The following BCAS3 variants were observed in gnomAD, a reference collection of about 807,000 sequenced individuals.
The protein encoded by BCAS3 is BCAS3 microtubule associated cell migration factor, also known as BCAS4/BCAS3 fusion.
BCAS3 carries 53 observed loss-of-function variants against 116.1 expected under a neutral mutation model. The observed-to-expected ratio is 0.46, with a 90% CI of 0.37 to 0.57. BCAS3 has a LOEUF of 0.57. Ranked by LOEUF, BCAS3 falls within the 20% of genes least tolerant of loss-of-function variation. The pLI is 0.00. For missense variants in BCAS3, 917 were observed against 1,165.4 expected (o/e 0.79, Z 3.10); for synonymous variants, 391 against 408.2 (o/e 0.96, Z 0.51).
Position 61,021,389 on chromosome 17 carries a change from G to A in BCAS3, c.1637+5488G>A, listed in dbSNP as rs2065866581. Among the ~76,000 whole-genome samples the A allele has an allele frequency of 6.6e-6, 1 of 152,056 alleles. No individual in the cohort carries two copies. The highest frequency in any genetic ancestry group is 1.5e-5 in the Non-Finnish European group (1 of 67,996). On this transcript the variant is annotated intron_variant, in intron 16 of 23. Coordinates refer to ENST00000407086, the MANE Select transcript of BCAS3 (RefSeq NM_017679.5). The surrounding 1 kb of genome is among the most constrained non-coding windows in gnomAD (Gnocchi z 4.6). ...TTATTCATTTCTTTGTGAAGATTTA[G>A]GTGGTTATTAGGAAGCTTCAGATGC... is the stretch of plus-strand genomic sequence containing the variant.
In BCAS3 at chr17:60,808,023, C is replaced by G; in HGVS notation, c.423C>G (p.Asn141Lys). ...TGTCAGGTGCTCAAAAATGTGATAACTTTGCTGAAAAAAGACCCCTCCTTG... is the reference window on the plus strand; with the variant it reads ...TGTCAGGTGCTCAAAAATGTGATAAGTTTGCTGAAAAAAGACCCCTCCTTG... Reference protein sequence around the residue: ...APQFGAQKCDNFAEKRPLLGV... With the variant: ...APQFGAQKCDKFAEKRPLLGV... Residue 141 changes from asparagine (N) to lysine (K), a missense_variant, in exon 7 of 24, where the codon AAC becomes AAG. By Grantham distance (94) the Asn-to-Lys change is moderately conservative. Coordinates refer to ENST00000407086, the MANE Select transcript of BCAS3 (RefSeq NM_017679.5). 6.2e-7 allele frequency: 1 copy of G among 1,608,282 alleles called. No individual in the cohort carries two copies. Among genetic ancestry groups the G allele is most frequent in the Non-Finnish European group, 8.5e-7 (1 of 1,176,592 alleles).
chr17:60,942,812 T>C (rs2060294346), intron 13 of BCAS3, among the ~76,000 whole-genome samples: 1 of 152,174 alleles, frequency 6.6e-6, no homozygotes, highest in Non-Finnish European at 1.5e-5. Flanking sequence ...AAAACATTAG[T>C]TTAAATGCTT....
At position 60,964,930 on chromosome 17, in the gene BCAS3, CTT is replaced by C. The variant is rs970369182; in HGVS notation, c.1221+17583_1221+17584del. On this transcript the variant is annotated intron_variant, in intron 14 of 23. Coordinates refer to ENST00000407086, the MANE Select transcript of BCAS3 (RefSeq NM_017679.5). This position sits in a 1 kb window ranked among gnomAD's most constrained non-coding sequence, Gnocchi z 4.6. ...GATTTTATTTATTTAGGTCTTCTCT[CTT>C]TTTTCTTAGTCTAGCTCAAGACTTG... Among the ~76,000 whole-genome samples the C allele has an allele frequency of 3.3e-5, 5 of 152,012 alleles. No individual in the cohort carries two copies. Among genetic ancestry groups the C allele is most frequent in the African/African-American group, 9.7e-5 (4 of 41,420 alleles).
In BCAS3 at chr17:61,105,038, T is replaced by C. The variant is rs187494893; in HGVS notation, c.2425+20474T>C. ...TAACCTCCGTGGGTTTCCTCACTGC[T>C]GTTGGCTCAGCTGTGGCTTTTTATG... On this transcript the variant is annotated intron_variant, in intron 22 of 23. Transcript: ENST00000407086. This position sits in a 1 kb window ranked among gnomAD's most constrained non-coding sequence, Gnocchi z 4.3. 2.0e-5 allele frequency among the ~76,000 whole-genome samples: 3 copies of C among 152,354 alleles called. No individual in the cohort carries two copies. The highest frequency in any genetic ancestry group is 7.2e-5 in the African/African-American group (3 of 41,586).
chr17:61,046,037 A>ATATATATATTATATATATATT (rs2068228422), intron 19 of BCAS3, among the ~76,000 whole-genome samples: 1 of 12,662 alleles, frequency 7.9e-5, no homozygotes, highest in Non-Finnish European at 1.1e-4. Flanking sequence ...ATATATATTT[A>ATATATATATTATATATATATT]TATATATATA....
intron 14 of BCAS3, chr17:60,980,556 AG>A (rs1384430073): frequency 7.1e-6 from 1 of 141,744 alleles, no homozygotes; most frequent in Non-Finnish European, 1.5e-5. Flanking sequence ...TTTTTGAAAC[AG>A]GGTCTCACTC....
intron 11 of BCAS3, among the ~76,000 whole-genome samples, chr17:60,907,052 G>A (rs2058225797): frequency 6.6e-6 from 1 of 152,088 alleles, no homozygotes; most frequent in African/African-American, 2.4e-5. Flanking sequence ...CACTGCAATT[G>A]TGAGGATAAA....
intron 22 of BCAS3, among the ~76,000 whole-genome samples, chr17:61,183,977 A>G (rs1352813960): frequency 6.6e-6 from 1 of 152,210 alleles, no homozygotes; most frequent in Non-Finnish European, 1.5e-5. Flanking sequence ...TTTTTAAAGT[A>G]CCAGCTTAAG....
chr17:61,018,430 T>C (rs928972339), intron 16 of BCAS3, among the ~76,000 whole-genome samples: 2 of 151,532 alleles, frequency 1.3e-5, no homozygotes. Flanking sequence ...GCCTCCCTAG[T>C]AGCTGGGATT....
Position 61,392,224 on chromosome 17 carries a change from A to C in BCAS3, c.*99A>C. Reference sequence around the variant, plus strand: ...ACCCTTCAGTCTCTGCTCTTCCTTCATCAACCACCTTCCCCAAGCTTAGTG... The same window carrying C: ...ACCCTTCAGTCTCTGCTCTTCCTTCCTCAACCACCTTCCCCAAGCTTAGTG... On this transcript the variant is annotated 3_prime_UTR_variant, in exon 24 of 24. Coordinates refer to ENST00000407086, the MANE Select transcript of BCAS3 (RefSeq NM_017679.5). This position sits in a 1 kb window ranked among gnomAD's most constrained non-coding sequence, Gnocchi z 6.4. The C allele has an allele frequency of 2.2e-6, 3 of 1,378,470 alleles. No individual in the cohort carries two copies. The highest frequency in any genetic ancestry group is 2.3e-5 in the East Asian group (1 of 42,642). 85.4% of individuals were successfully genotyped at this position (1,378,470 alleles called of 1,614,324 possible).
Position 60,990,155 on chromosome 17 carries a change from A to G in BCAS3, c.1406A>G (p.Gln469Arg), listed in dbSNP as rs770852965. Residue 469 changes from glutamine to arginine, a missense_variant, in exon 15 of 24, where the codon CAA (glutamine) becomes CGA (arginine). This residue lies in a region of BCAS3 where 807 missense variants were observed against 1,026.0 expected (regional missense o/e 0.79). Coordinates refer to ENST00000407086, the MANE Select transcript of BCAS3 (RefSeq NM_017679.5). The surrounding 1 kb of genome is among the most constrained non-coding windows in gnomAD (Gnocchi z 5.1). ...AGTGCTGGACTGGAAGAGATTGAAC[A>G]AGAACTGACGTCTAAGCAAGGAGGT... ...QKSAGLEEIEQELTSKQGGRC... is the reference protein window; with the variant it reads ...QKSAGLEEIERELTSKQGGRC... 6.2e-7 allele frequency: 1 copy of G among 1,614,192 alleles called. No homozygotes were observed. The highest frequency in any genetic ancestry group is 8.5e-7 in the Non-Finnish European group (1 of 1,180,040).
In BCAS3 at chr17:61,192,246, C is replaced by CAAAAAAAAAAAAAAAAAAAAAAAAAAAA. The variant is rs60456812; in HGVS notation, c.2425+107698_2425+107699insAAAAAAAAAAAAAAAAAAAAAAAAAAAA. Among the ~76,000 whole-genome samples, 15 of 70,684 alleles carry CAAAAAAAAAAAAAAAAAAAAAAAAAAAA rather than the reference C, an allele frequency of 2.1e-4. 1 individual carries two copies. The highest frequency in any genetic ancestry group is 5.6e-4 in the East Asian group (1 of 1,782). 46.4% of individuals were successfully genotyped at this position (70,684 alleles called of 152,430 possible). ...GGGCGACAGAGCAAGGCTCTGTTAC[C>CAAAAAAAAAAAAAAAAAAAAAAAAAAAA]AAAAAAAAAAAAAAAAGAAACATAG... is the stretch of plus-strand genomic sequence containing the variant. On this transcript the variant is annotated intron_variant, in intron 22 of 23. Coordinates refer to ENST00000407086, the MANE Select transcript of BCAS3 (RefSeq NM_017679.5).
chr17:60,814,086 G>A (rs1338134468), intron 7 of BCAS3, among the ~76,000 whole-genome samples: 4 of 152,000 alleles, frequency 2.6e-5, no homozygotes, highest in African/African-American at 7.2e-5. Flanking sequence ...TAGTTTGATA[G>A]GAATAGTATT....
At chr17:60,772,827 C>T (rs540853318) in intron 6 of BCAS3, among the ~76,000 whole-genome samples, 46 of 152,030 alleles carry the variant, frequency 3.0e-4, no homozygotes, top group African/African-American at 1.0e-3. Flanking sequence ...GAGCTGAGAT[C>T]GCGCCACTGC....
chr17:60,831,559 A>G (rs2050933777), intron 7 of BCAS3, among the ~76,000 whole-genome samples: 1 of 152,210 alleles, frequency 6.6e-6, no homozygotes, highest in African/African-American at 2.4e-5. Flanking sequence ...TTTCATTTAT[A>G]TAATTTTATT....
In BCAS3 at chr17:60,863,118, T is replaced by G. The variant is rs1274320538; in HGVS notation, c.477-5458T>G. Among the ~76,000 whole-genome samples the G allele has an allele frequency of 4.6e-5, 7 of 152,216 alleles. 1 individual carries two copies. The South Asian group carries it at 1.4e-3, about 31-fold the overall frequency. On this transcript the variant is annotated intron_variant, in intron 7 of 23. Coordinates refer to ENST00000407086, the MANE Select transcript of BCAS3 (RefSeq NM_017679.5). ...TTTTGGAGCAATTTAATTTTTTTCA[T>G]ATAGAAATCTGATTCTTTTGGCACC...
chr17:61,234,706 C>T (rs183898640), intron 22 of BCAS3, among the ~76,000 whole-genome samples: 63 of 151,384 alleles, frequency 4.2e-4, no homozygotes, highest in African/African-American at 1.5e-3. Context: ...CCTGCCTGTC[C>T]TGCGCCAGGG....
At chr17:60,722,006 C>T (rs1190442538) in intron 5 of BCAS3, among the ~76,000 whole-genome samples, 2 of 152,068 alleles carry the variant, frequency 1.3e-5, no homozygotes, top group African/African-American at 4.8e-5. Context: ...AACATTATGA[C>T]TGTAAGATTT....
intron 23 of BCAS3, among the ~76,000 whole-genome samples, chr17:61,375,779 G>A (rs142358322): frequency 1.3e-5 from 2 of 151,962 alleles, no homozygotes; most frequent in Non-Finnish European, 2.9e-5. Flanking sequence ...CACCATGTTG[G>A]CCAGGCTGAT....
Sources: gnomAD v4.1 joint callset for allele counts (sites outside exome capture counted in the v4.1 genomes callset) on GRCh38, gnomAD v4.1.1 for gene constraint, gnomAD v4.1.1 regional missense constraint, Gnocchi (gnomAD v3.1) non-coding constraint, MANE v1.5 for transcripts, NCBI Gene and HGNC (gene_info 2026-07-23, HGNC 2026-07-21) for gene names.